Variants in ANO6 observed in about 807,000 individuals in gnomAD.
ANO6 encodes the protein anoctamin-6.
In ANO6, 106 loss-of-function variants were observed where a neutral mutation model predicts 117.5. The observed-to-expected ratio is 0.90, with a 90% CI of 0.77 to 1.06. The LOEUF is 1.06. Ranked by LOEUF, ANO6 falls within the 50% of genes least tolerant of loss-of-function variation. The pLI is 0.00. For missense variants in ANO6, 955 were observed against 1,121.1 expected, an observed-to-expected ratio of 0.85 and a Z score of 2.12; for synonymous variants, 367 against 385.1, an observed-to-expected ratio of 0.95 and a Z score of 0.55.
chr12:45,355,675 C>T (rs1473928714), intron 7 of ANO6, among the ~76,000 whole-genome samples: 2 of 152,188 alleles, frequency 1.3e-5, no homozygotes, highest in Non-Finnish European at 2.9e-5. Context: ...TGAAAATCAG[C>T]CCACTGTGTT....
chr12:45,308,468 A>T (rs1939748855), intron 2 of ANO6, among the ~76,000 whole-genome samples: 1 of 152,056 alleles, frequency 6.6e-6, no homozygotes, highest in African/African-American at 2.4e-5. Context: ...ATGGGATCCG[A>T]AGTGAGGAGA....
intron 2 of ANO6, among the ~76,000 whole-genome samples, chr12:45,323,483 A>T (rs927373745): frequency 6.6e-6 from 1 of 152,234 alleles, no homozygotes; most frequent in African/African-American, 2.4e-5. Context: ...TACCCAACAC[A>T]GGTAGTAATG....
chr12:45,339,283 T>G (rs999915730), intron 3 of ANO6, among the ~76,000 whole-genome samples: 2 of 152,078 alleles, frequency 1.3e-5, no homozygotes, highest in African/African-American at 4.8e-5. Flanking sequence ...AGTCAGTACT[T>G]CCAGGGGAGA....
chr12:45,400,762 G>GA (rs2137624803), intron 12 of ANO6, among the ~76,000 whole-genome samples: 1 of 152,288 alleles, frequency 6.6e-6, no homozygotes, highest in South Asian at 2.1e-4. Flanking sequence ...CTCCACAGGT[G>GA]ACAACTGGCC....
At chr12:45,238,880 A>C (rs1470005502) in intron 1 of ANO6, among the ~76,000 whole-genome samples, 1 of 152,204 alleles carries the variant, frequency 6.6e-6, no homozygotes, top group Non-Finnish European at 1.5e-5. Flanking sequence ...CTTGCATCCC[A>C]GGGATGAAGC....
At chr12:45,263,295 C>A (rs1938105444) in intron 1 of ANO6, among the ~76,000 whole-genome samples, 1 of 151,442 alleles carries the variant, frequency 6.6e-6, no homozygotes, top group Non-Finnish European at 1.5e-5. Context: ...ACTTTGAATT[C>A]CTGGGCTCAA....
chr12:45,394,864 T>C (rs1256291270), intron 12 of ANO6, among the ~76,000 whole-genome samples: 1 of 152,216 alleles, frequency 6.6e-6, no homozygotes, highest in Admixed American at 6.5e-5. Context: ...GGGAAATTTA[T>C]AGCACTAAAT....
At chr12:45,249,058 A>G (rs1021817301) in intron 1 of ANO6, among the ~76,000 whole-genome samples, 3 of 152,192 alleles carry the variant, frequency 2.0e-5, no homozygotes, top group African/African-American at 7.2e-5. Context: ...TCATCATAAT[A>G]TGTGTTGGTG....
At chr12:45,288,365 G>A (rs1938985164) in intron 1 of ANO6, among the ~76,000 whole-genome samples, 1 of 152,074 alleles carries the variant, frequency 6.6e-6, no homozygotes, top group Non-Finnish European at 1.5e-5. Flanking sequence ...TCTTGAAAAA[G>A]GTTGTTACTG....
At chr12:45,290,076 A>C (rs1043488900) in intron 1 of ANO6, among the ~76,000 whole-genome samples, 4 of 152,218 alleles carry the variant, frequency 2.6e-5, no homozygotes, top group Admixed American at 2.6e-4. Flanking sequence ...TATTTATATT[A>C]TCTGGCTGCA....
At chr12:45,331,175 A>T (rs912968375) in intron 2 of ANO6, 120 bp from the exon 3 acceptor site, 9 of 842,346 alleles carry the variant, frequency 1.1e-5, no homozygotes, top group Middle Eastern at 3.6e-4. Flanking sequence ...TGGTAAGCTA[A>T]CTAGTAGTGG....
Position 45,429,289 on chromosome 12 carries a change from A to G in ANO6, c.2711A>G (p.Asn904Ser), listed in dbSNP as rs1371424055. ...AERMIEAVDN[N>S]LRPKSE ...CGGATGATAGAAGCAGTAGATAACA[A>G]TTTACGGCCAAAATCAGAATAAGAG... Residue 904 changes from asparagine (N) to serine (S), a missense_variant, in exon 20 of 20, where the codon AAT becomes AGT. Asn to Ser is a conservative substitution (Grantham distance 46). Coordinates refer to ENST00000320560, the MANE Select transcript of ANO6 (RefSeq NM_001025356.3). 1 of 1,613,668 alleles carries G rather than the reference A, an allele frequency of 6.2e-7. No individual in the cohort carries two copies. Among genetic ancestry groups the G allele is most frequent in the Non-Finnish European group, 8.5e-7 (1 of 1,179,808 alleles).
chr12:45,331,890 C>T (rs1940677059), intron 3 of ANO6, among the ~76,000 whole-genome samples: 1 of 152,008 alleles, frequency 6.6e-6, no homozygotes, highest in South Asian at 2.1e-4. Flanking sequence ...ATAGAGATGA[C>T]CCTTAGGTTA....
At chr12:45,246,476 T>A (rs750474719) in intron 1 of ANO6, among the ~76,000 whole-genome samples, 2 of 152,210 alleles carry the variant, frequency 1.3e-5, no homozygotes, top group African/African-American at 2.4e-5. Context: ...GAGCTGAAGT[T>A]GCTGGGCTTT....
In ANO6 at chr12:45,430,036, T is replaced by C; in HGVS notation, c.*725T>C. ...AGGAGGTTCCGTGCCTAATCAATGT[T>C]GACTGCTTTGCAGATCTCAAGGGAA... On this transcript the variant is annotated 3_prime_UTR_variant, in exon 20 of 20. Transcript: ENST00000320560. The C allele has an allele frequency of 1.0e-6, 1 of 985,518 alleles. No individual in the cohort carries two copies. The highest frequency in any genetic ancestry group is 4.7e-5 in the South Asian group (1 of 21,290). The allele number at this position is 985,518 out of a possible 1,614,324, so 61.0% of individuals were successfully genotyped here.
chr12:45,251,653 T>C (rs1947902271), intron 1 of ANO6, among the ~76,000 whole-genome samples: 1 of 152,286 alleles, frequency 6.6e-6, no homozygotes, highest in Middle Eastern at 3.4e-3. Context: ...AAGTCGCAGG[T>C]ACCTTTCTCA....
At chr12:45,361,315 C>G (rs914741389) in intron 8 of ANO6, among the ~76,000 whole-genome samples, 1 of 151,874 alleles carries the variant, frequency 6.6e-6, no homozygotes, top group South Asian at 2.1e-4. Flanking sequence ...TAAATTGTTT[C>G]GTTAATTTAA....
intron 1 of ANO6, among the ~76,000 whole-genome samples, chr12:45,245,785 G>T (rs991107373): frequency 6.6e-6 from 1 of 152,046 alleles, no homozygotes; most frequent in African/African-American, 2.4e-5. Context: ...GAAATCTTAT[G>T]ATTTCAAGTA....
At chr12:45,434,381 C>A (rs1030457215), downstream of ANO6, among the ~76,000 whole-genome samples, 1 of 152,230 alleles carries the variant, frequency 6.6e-6, no homozygotes, top group Admixed American at 6.5e-5. Context: ...TGGAAACAAG[C>A]GACAGCACTG....
Sources: gnomAD v4.1 joint callset for allele counts (sites outside exome capture counted in the v4.1 genomes callset) on GRCh38, gnomAD v4.1.1 for gene constraint, MANE v1.5 for transcripts, NCBI Gene and HGNC (gene_info 2026-07-23, HGNC 2026-07-21) for gene names.